Variants in PRKCE observed in about 807,000 individuals in gnomAD.
PRKCE encodes protein kinase C epsilon type.
Under a neutral mutation model 85.4 loss-of-function variants are expected in PRKCE, and 16 were observed. That is an observed-to-expected ratio of 0.19 (90% CI 0.13 to 0.28). The LOEUF is 0.28. PRKCE is among the 10% of genes least tolerant of loss of function. The probability of loss-of-function intolerance (pLI) is 1.00; values close to 1 mark genes in which losing one functional copy is unlikely to be tolerated. For missense variants in PRKCE, 573 were observed against 975.2 expected, an observed-to-expected ratio of 0.59 and a Z score of 5.49; for synonymous variants, 388 against 371.5, an observed-to-expected ratio of 1.04 and a Z score of -0.51.
At chr2:46,088,012 G>T (rs1247506088) in intron 11 of PRKCE, among the ~76,000 whole-genome samples, 1 of 152,138 alleles carries the variant, frequency 6.6e-6, no homozygotes, top group African/African-American at 2.4e-5. Flanking sequence ...AAAGTCAGAT[G>T]ATTAGGATCC....
chr2:45,661,985 C>G lies in PRKCE; in HGVS notation c.348+9537C>G, dbSNP rs536666925. Among the ~76,000 whole-genome samples, 3 of 152,318 alleles carry G rather than the reference C, an allele frequency of 2.0e-5. No homozygotes were observed. In the East Asian group the frequency reaches 5.8e-4, roughly 29 times the overall value. ...TTGTTGCCAGTCTTCTTTCCCCAGG[C>G]AGATATAAGCATCTCGTGAACAGGA... On this transcript the variant is annotated intron_variant, in intron 1 of 14. Transcript: ENST00000306156.
chr2:45,996,657 T>A (rs1597251), intron 6 of PRKCE, among the ~76,000 whole-genome samples: 27,568 of 152,172 alleles, frequency 0.18, 2,811 homozygotes, highest in African/African-American at 0.27. Flanking sequence ...TTTTCAAATG[T>A]TGAACCAGCC....
intron 1 of PRKCE, among the ~76,000 whole-genome samples, chr2:45,698,602 A>T (rs1198316039): frequency 6.6e-6 from 1 of 151,764 alleles, no homozygotes; most frequent in East Asian, 1.9e-4. Context: ...AGAGAAAGGA[A>T]GAGGAAAGAG....
intron 1 of PRKCE, among the ~76,000 whole-genome samples, chr2:45,734,872 C>G (rs750453796): frequency 1.3e-5 from 2 of 152,240 alleles, no homozygotes; most frequent in African/African-American, 2.4e-5. Context: ...AAAGGTCTAG[C>G]CTCCTTTCCC....
At chr2:45,942,117 A>C (rs2104227193) in intron 2 of PRKCE, among the ~76,000 whole-genome samples, 1 of 152,332 alleles carries the variant, frequency 6.6e-6, no homozygotes, top group African/African-American at 2.4e-5. Flanking sequence ...TCTTGCTTAG[A>C]GATGTATGGG....
intron 14 of PRKCE, among the ~76,000 whole-genome samples, chr2:46,182,303 C>G (rs533336374): frequency 2.0e-5 from 3 of 152,170 alleles, no homozygotes; most frequent in Admixed American, 1.3e-4. Context: ...GTCGCCACAC[C>G]CTTTGCCCAG....
intron 10 of PRKCE, among the ~76,000 whole-genome samples, chr2:46,082,365 G>A (rs551234590): frequency 1.3e-5 from 2 of 152,284 alleles, no homozygotes; most frequent in East Asian, 1.9e-4. Context: ...GACAGGACTT[G>A]GTGAGGGCTG....
At chr2:46,081,949 A>G (rs1028012812) in intron 10 of PRKCE, among the ~76,000 whole-genome samples, 1 of 152,100 alleles carries the variant, frequency 6.6e-6, no homozygotes, top group Non-Finnish European at 1.5e-5. Context: ...TACAAAAAAT[A>G]GCTGGGCATG....
At chr2:45,839,386 G>A (rs1342703394) in intron 1 of PRKCE, among the ~76,000 whole-genome samples, 1 of 152,174 alleles carries the variant, frequency 6.6e-6, no homozygotes, top group Non-Finnish European at 1.5e-5. Context: ...GCACCGTAGT[G>A]TGAAAGAGAA....
chr2:46,035,648 A>G (rs1707811283), intron 10 of PRKCE, among the ~76,000 whole-genome samples: 1 of 152,248 alleles, frequency 6.6e-6, no homozygotes, highest in Non-Finnish European at 1.5e-5. Context: ...CATATGCCAT[A>G]TATGTGCGTG....
rs1696030766 is a variant in PRKCE at position 45,895,047 on chromosome 2, A to C, written c.412+51984A>C. ...TTCGTTTGTTTTGAGTGAACACATAAATGTCATCAATGATTCCGTCTCTAC... is the reference window on the plus strand; with the variant it reads ...TTCGTTTGTTTTGAGTGAACACATACATGTCATCAATGATTCCGTCTCTAC... On this transcript the variant is annotated intron_variant, in intron 2 of 14. Coordinates refer to ENST00000306156, the MANE Select transcript of PRKCE (RefSeq NM_005400.3). This position sits in a 1 kb window ranked among gnomAD's most constrained non-coding sequence, Gnocchi z 4.8. Among the ~76,000 whole-genome samples the C allele has an allele frequency of 6.6e-6, 1 of 152,188 alleles. No individual in the cohort carries two copies. Among genetic ancestry groups the C allele is most frequent in the Non-Finnish European group, 1.5e-5 (1 of 68,034 alleles).
intron 1 of PRKCE, among the ~76,000 whole-genome samples, chr2:45,804,374 T>A (rs1353386196): frequency 6.6e-6 from 1 of 152,140 alleles, no homozygotes; most frequent in Non-Finnish European, 1.5e-5. Context: ...CCTACCGACC[T>A]GAATTCCATT....
intron 1 of PRKCE, among the ~76,000 whole-genome samples, chr2:45,693,442 G>A (rs1388996347): frequency 6.6e-6 from 1 of 152,206 alleles, no homozygotes; most frequent in African/African-American, 2.4e-5. Context: ...GACCTGGAGA[G>A]AAAGTGGACA....
At chr2:45,739,906 G>A (rs1275604970) in intron 1 of PRKCE, among the ~76,000 whole-genome samples, 4 of 152,158 alleles carry the variant, frequency 2.6e-5, no homozygotes, top group Non-Finnish European at 4.4e-5. Flanking sequence ...TTTGACAATG[G>A]GATTTGCATC....
At chr2:45,679,296 T>A (rs1030493923) in intron 1 of PRKCE, among the ~76,000 whole-genome samples, 2 of 152,208 alleles carry the variant, frequency 1.3e-5, no homozygotes, top group Non-Finnish European at 2.9e-5. Flanking sequence ...GGAAGCCTAA[T>A]TATTTCCACT....
chr2:45,949,304 C>T (rs776711151), intron 2 of PRKCE, among the ~76,000 whole-genome samples: 12 of 151,118 alleles, frequency 7.9e-5, no homozygotes, highest in Admixed American at 2.6e-4. Flanking sequence ...CTAATAAATA[C>T]GATGTGGCAT....
Position 46,185,555 on chromosome 2 carries a change from G to C in PRKCE, c.*674G>C, listed in dbSNP as rs1043449822. On this transcript the variant is annotated 3_prime_UTR_variant, in exon 15 of 15. Transcript: ENST00000306156. The surrounding 1 kb of genome is among the most constrained non-coding windows in gnomAD (Gnocchi z 4.7). ...AATCCTCTTTGTGGAAAAAGAAACA[G>C]GGTTTTGAACTCTGTTAACATTTGA... is the stretch of plus-strand genomic sequence containing the variant. 3 of 152,670 alleles carry C rather than the reference G, an allele frequency of 2.0e-5. No homozygotes were observed. The highest frequency in any genetic ancestry group is 2.9e-5 in the Non-Finnish European group (2 of 68,068). The allele number at this position is 152,670 out of a possible 1,614,324, so 9.5% of individuals were successfully genotyped here. A position where few individuals can be genotyped will look rare whatever the true frequency, so the allele number is the denominator to read the frequency against.
At chr2:45,866,462 C>T (rs1161950739) in intron 2 of PRKCE, among the ~76,000 whole-genome samples, 1 of 152,148 alleles carries the variant, frequency 6.6e-6, no homozygotes, top group Non-Finnish European at 1.5e-5. Context: ...CGCCGGCCAC[C>T]ATGCCTGGCT....
chr2:45,987,417 CT>C (rs1445083138), intron 6 of PRKCE, among the ~76,000 whole-genome samples: 2 of 152,202 alleles, frequency 1.3e-5, no homozygotes, highest in Non-Finnish European at 2.9e-5. Context: ...ATTACTTGGC[CT>C]TTTTTTCCCC....
Sources: gnomAD v4.1 joint callset for allele counts (sites outside exome capture counted in the v4.1 genomes callset) on GRCh38, gnomAD v4.1.1 for gene constraint, Gnocchi (gnomAD v3.1) non-coding constraint, MANE v1.5 for transcripts, NCBI Gene and HGNC (gene_info 2026-07-23, HGNC 2026-07-21) for gene names.